PIK3CB: variants seen among roughly 807,000 people sequenced by gnomAD.
PIK3CB encodes the protein phosphatidylinositol 4,5-bisphosphate 3-kinase catalytic subunit beta isoform.
In PIK3CB, 39 loss-of-function variants were observed where a neutral mutation model predicts 136.8. That is an observed-to-expected ratio of 0.29 (90% confidence interval 0.22 to 0.37). PIK3CB has a LOEUF of 0.37. Ranked by LOEUF, PIK3CB falls within the 10% of genes least tolerant of loss-of-function variation. The pLI is 1.00. For missense variants in PIK3CB, 868 were observed against 1,275.4 expected, an observed-to-expected ratio of 0.68 and a Z score of 4.87; for synonymous variants, 428 against 436.6, an observed-to-expected ratio of 0.98 and a Z score of 0.25.
chr3:138,716,995 C>T (rs1207537827), intron 8 of PIK3CB, among the ~76,000 whole-genome samples: 1 of 150,228 alleles, frequency 6.7e-6, no homozygotes, highest in Non-Finnish European at 1.5e-5. Context: ...GTGGCTCATG[C>T]CTGTAATCCC....
intron 2 of PIK3CB, among the ~76,000 whole-genome samples, chr3:138,774,611 T>A (rs1455155733): frequency 6.6e-6 from 1 of 152,288 alleles, no homozygotes; most frequent in East Asian, 1.9e-4. Context: ...AATGACTGTT[T>A]GTGTAGCAGA....
chr3:138,803,368 GTCTT>G (rs1224902651), intron 1 of PIK3CB, among the ~76,000 whole-genome samples: 1 of 152,102 alleles, frequency 6.6e-6, no homozygotes, highest in Admixed American at 6.6e-5. Flanking sequence ...ATATTTTCCT[GTCTT>G]TATTTGCATT....
At chr3:138,682,414 G>A (rs2043800478) in intron 18 of PIK3CB, among the ~76,000 whole-genome samples, 1 of 152,168 alleles carries the variant, frequency 6.6e-6, no homozygotes, top group African/African-American at 2.4e-5. Flanking sequence ...GAGATTCACT[G>A]CGCAAAGCAC....
chr3:138,741,235 G>A (rs2045237296), intron 5 of PIK3CB, among the ~76,000 whole-genome samples: 1 of 152,106 alleles, frequency 6.6e-6, no homozygotes, highest in Admixed American at 6.5e-5. Context: ...GGCAAAACTG[G>A]GTAAAACCAG....
At chr3:138,658,962 C>T (rs970887482) in intron 21 of PIK3CB, among the ~76,000 whole-genome samples, 9 of 152,210 alleles carry the variant, frequency 5.9e-5, no homozygotes, top group African/African-American at 1.4e-4. Flanking sequence ...TGCTGCAGAG[C>T]CATCATCCTG....
intron 4 of PIK3CB, among the ~76,000 whole-genome samples, chr3:138,752,386 T>C (rs909456460): frequency 1.6e-4 from 25 of 152,234 alleles, no homozygotes; most frequent in African/African-American, 5.1e-4. Context: ...CCAGGAGGCA[T>C]GGCCTCATCA....
At chr3:138,825,702 C>G (rs1933750212) in intron 1 of PIK3CB, 1 of 663,622 alleles carries the variant, frequency 1.5e-6, no homozygotes, top group Admixed American at 2.4e-5. Context: ...TCCAGGATGT[C>G]TACAAAACTG....
chr3:138,813,741 G>A (rs1933179916), intron 1 of PIK3CB, among the ~76,000 whole-genome samples: 2 of 152,058 alleles, frequency 1.3e-5, no homozygotes, highest in Non-Finnish European at 2.9e-5. Context: ...TCTATACCAG[G>A]CATTATGTCA....
At chr3:138,769,327 T>C (rs1476807039) in intron 2 of PIK3CB, among the ~76,000 whole-genome samples, 1 of 152,228 alleles carries the variant, frequency 6.6e-6, no homozygotes, top group African/African-American at 2.4e-5. Flanking sequence ...AGTATACATT[T>C]CTATCTGCCA....
Position 138,734,813 on chromosome 3 carries a change from G to A in PIK3CB, c.802-9C>T. The A allele has an allele frequency of 6.4e-7, 1 of 1,569,132 alleles. No homozygotes were observed. The highest frequency in any genetic ancestry group is 8.7e-7 in the Non-Finnish European group (1 of 1,155,220). Reference sequence around the variant, plus strand: ...ACACAGTTCCGGATATACTATAGGGGCAAGAAAGGGGAAGGTATTGATTTT... The same window carrying A: ...ACACAGTTCCGGATATACTATAGGGACAAGAAAGGGGAAGGTATTGATTTT... On this transcript the variant is annotated splice_polypyrimidine_tract_variant and intron_variant, in intron 6 of 23. Coordinates refer to ENST00000674063, the MANE Select transcript of PIK3CB (RefSeq NM_006219.3).
At chr3:138,706,619 T>C (rs1220988456) in intron 11 of PIK3CB, among the ~76,000 whole-genome samples, 1 of 152,228 alleles carries the variant, frequency 6.6e-6, no homozygotes, top group African/African-American at 2.4e-5. Flanking sequence ...GATTTCTTCA[T>C]TTTATAAATA....
intron 13 of PIK3CB, among the ~76,000 whole-genome samples, chr3:138,695,441 C>T (rs185155972): frequency 9.2e-4 from 140 of 152,148 alleles, no homozygotes; most frequent in African/African-American, 3.3e-3. Flanking sequence ...TTTTATTCTC[C>T]GACCAATTAA....
chr3:138,666,026 A>G (rs188814394), intron 19 of PIK3CB, among the ~76,000 whole-genome samples: 1 of 152,236 alleles, frequency 6.6e-6, no homozygotes, highest in East Asian at 1.9e-4. Context: ...CATCTGTCAG[A>G]AAGGTAAGAA....
chr3:138,751,570 G>A (rs2045473341), intron 4 of PIK3CB, among the ~76,000 whole-genome samples: 1 of 151,966 alleles, frequency 6.6e-6, no homozygotes, highest in South Asian at 2.1e-4. Context: ...TAACAGCAAA[G>A]CTTAAATTTT....
chr3:138,681,692 C>T (rs1220284314), intron 19 of PIK3CB, among the ~76,000 whole-genome samples: 1 of 152,164 alleles, frequency 6.6e-6, no homozygotes, highest in Non-Finnish European at 1.5e-5. Context: ...TCTTTCAACA[C>T]CATAGGTTGG....
At chr3:138,770,789 A>ACAACCTC (rs1248134031) in intron 2 of PIK3CB, among the ~76,000 whole-genome samples, 4 of 151,546 alleles carry the variant, frequency 2.6e-5, no homozygotes, top group South Asian at 4.2e-4. Context: ...TCGGCTCACT[A>ACAACCTC]CAACCTCCGG....
intron 2 of PIK3CB, among the ~76,000 whole-genome samples, chr3:138,761,210 A>C (rs1386217659): frequency 2.0e-5 from 3 of 152,246 alleles, no homozygotes; most frequent in Non-Finnish European, 4.4e-5. Context: ...CCATTCACAC[A>C]AAACAAAACT....
intron 1 of PIK3CB, chr3:138,825,485 T>G (rs557409931): frequency 2.9e-6 from 2 of 701,570 alleles, no homozygotes; most frequent in African/African-American, 3.5e-5. Flanking sequence ...ATTAAGAAAA[T>G]TGGCTACAAC....
chr3:138,739,563 A>G (rs2108660222), intron 5 of PIK3CB, among the ~76,000 whole-genome samples: 1 of 150,816 alleles, frequency 6.6e-6, no homozygotes, highest in South Asian at 2.1e-4. Flanking sequence ...GCAATCCCTC[A>G]TAATGAACTA....
Sources: allele counts gnomAD v4.1 joint callset (sites outside exome capture counted in the v4.1 genomes callset), GRCh38; gene constraint gnomAD v4.1.1; transcripts MANE v1.5; gene names NCBI Gene and HGNC (gene_info 2026-07-23, HGNC 2026-07-21).